CCDC112: variants seen among roughly 807,000 people sequenced by gnomAD.
The protein encoded by CCDC112 is coiled-coil domain-containing protein 112.
A neutral mutation model predicts 66.3 loss-of-function variants in CCDC112; 40 were observed. The observed-to-expected ratio is 0.60, with a 90% CI of 0.47 to 0.79. The LOEUF (loss-of-function observed/expected upper bound fraction) is 0.79. Ranked by LOEUF, CCDC112 falls within the 30% of genes least tolerant of loss-of-function variation. CCDC112 has a pLI of 0.00. For missense variants in CCDC112, 659 were observed against 603.8 expected (o/e 1.09, Z -0.96); for synonymous variants, 214 against 197.2 (o/e 1.09, Z -0.71).
intron 1 of CCDC112, among the ~76,000 whole-genome samples, chr5:115,292,471 C>T (rs1404732917): frequency 6.6e-6 from 1 of 152,078 alleles, no homozygotes; most frequent in Non-Finnish European, 1.5e-5. Context: ...GAAGTCTTTG[C>T]CTAGTATGTC....
intron 3 of CCDC112, among the ~76,000 whole-genome samples, chr5:115,279,110 T>C (rs1376776221): frequency 6.6e-6 from 1 of 152,206 alleles, no homozygotes; most frequent in East Asian, 1.9e-4. Flanking sequence ...TACATTTTTA[T>C]ATATTATCTC....
At chr5:115,287,471 C>G (rs562238838) in intron 1 of CCDC112, among the ~76,000 whole-genome samples, 1 of 151,996 alleles carries the variant, frequency 6.6e-6, no homozygotes, top group Admixed American at 6.5e-5. Flanking sequence ...AAAGACCAGA[C>G]AAAATAAAAA....
intron 6 of CCDC112, among the ~76,000 whole-genome samples, chr5:115,272,632 A>C (rs954641937): frequency 9.2e-5 from 14 of 152,220 alleles, no homozygotes; most frequent in Non-Finnish European, 1.5e-4. Flanking sequence ...GTATGTAAAA[A>C]TTATTTCAAA....
intron 1 of CCDC112, among the ~76,000 whole-genome samples, chr5:115,294,479 A>G (rs955238448): frequency 6.6e-6 from 1 of 152,160 alleles, no homozygotes; most frequent in Non-Finnish European, 1.5e-5. Flanking sequence ...CCAGAAACCA[A>G]CCCTAAGGGC....
At chr5:115,268,306 G>C (rs1748840538) in intron 9 of CCDC112, among the ~76,000 whole-genome samples, 1 of 152,086 alleles carries the variant, frequency 6.6e-6, no homozygotes, top group Non-Finnish European at 1.5e-5. Flanking sequence ...TTTTGAGACG[G>C]AGTCTCACTG....
intron 3 of CCDC112, 139 bp downstream of exon 3, chr5:115,279,506 CAG>C: frequency 1.2e-6 from 1 of 815,066 alleles, no homozygotes. Flanking sequence ...AACTAAAATA[CAG>C]AGAATATAAC....
intron 6 of CCDC112, 84 bp from the exon 7 acceptor site, chr5:115,271,710 T>C (rs2127051479): frequency 1.1e-6 from 1 of 883,792 alleles, no homozygotes; most frequent in African/African-American, 1.7e-5. Context: ...CAATTCCATC[T>C]TTCTAGAAAG....
chr5:115,291,165 G>C (rs1013362335), intron 1 of CCDC112, among the ~76,000 whole-genome samples: 2 of 152,012 alleles, frequency 1.3e-5, no homozygotes, highest in Non-Finnish European at 2.9e-5. Flanking sequence ...TTGTTGACTG[G>C]ATAATCTGAA....
chr5:115,291,066 C>T (rs565100532), intron 1 of CCDC112, among the ~76,000 whole-genome samples: 39 of 152,158 alleles, frequency 2.6e-4, no homozygotes, highest in African/African-American at 7.9e-4. Flanking sequence ...CCTGATCATA[C>T]GGAAACAGCT....
rs756403822 is a variant in CCDC112, at chr5:115,275,520, T to C, written c.614A>G (p.Asn205Ser). The C allele has an allele frequency of 2.2e-5, 35 of 1,614,050 alleles. No individual in the cohort carries two copies. The highest frequency in any genetic ancestry group is 2.9e-5 in the Non-Finnish European group (34 of 1,179,988). The change falls in exon 6 of 10, where the codon AAT (asparagine) becomes AGT (serine). Residue 205 changes from asparagine to serine, a missense_variant. By Grantham distance (46) the Asn-to-Ser change is conservative. Transcript: ENST00000379611. ...TCTGAAAGCTTTCTCTGTTTCTGAA[T>C]TACCCAAAGCCCATGTGTCAATTTT... Reference protein sequence around the residue: ...SRKIDTWALGNSETEKAFRAI... With the variant: ...SRKIDTWALGSSETEKAFRAI...
intron 1 of CCDC112, among the ~76,000 whole-genome samples, chr5:115,291,003 T>G (rs1749904880): frequency 1.3e-5 from 2 of 152,184 alleles, no homozygotes; most frequent in African/African-American, 4.8e-5. Flanking sequence ...CTAATTGCCC[T>G]AGTTAGAACT....
intron 6 of CCDC112, among the ~76,000 whole-genome samples, chr5:115,272,304 T>G (rs933053872): frequency 6.6e-6 from 1 of 152,162 alleles, no homozygotes; most frequent in Non-Finnish European, 1.5e-5. Context: ...TTTCTAGGCT[T>G]AGAATACTTT....
chr5:115,286,007 A>G (rs1469131883), intron 1 of CCDC112, among the ~76,000 whole-genome samples: 1 of 152,224 alleles, frequency 6.6e-6, no homozygotes, highest in Non-Finnish European at 1.5e-5. Context: ...AAAAGAACAA[A>G]GTATTAAATC....
At chr5:115,292,520 G>C (rs1361627614) in intron 1 of CCDC112, among the ~76,000 whole-genome samples, 1 of 151,998 alleles carries the variant, frequency 6.6e-6, no homozygotes, top group African/African-American at 2.4e-5. Context: ...CCTTTTTACT[G>C]TTTTCCCCAT....
intron 1 of CCDC112, among the ~76,000 whole-genome samples, chr5:115,289,974 C>T (rs1461955470): frequency 6.6e-6 from 1 of 152,216 alleles, no homozygotes; most frequent in Admixed American, 6.5e-5. Flanking sequence ...TGAGCCACTG[C>T]ACGTGGCCTA....
Position 115,296,529 on chromosome 5 carries a change from C to A in CCDC112, c.15G>T (p.Thr5=). 3.9e-6 allele frequency: 6 copies of A among 1,532,806 alleles called. No homozygotes were observed. The highest frequency in any genetic ancestry group is 5.2e-6 in the Non-Finnish European group (6 of 1,144,280). 95.0% of individuals were successfully genotyped at this position (1,532,806 alleles called of 1,614,324 possible). The change falls in exon 1 of 10, where the codon ACG becomes ACT. Residue 5 remains threonine, a synonymous_variant. Coordinates refer to ENST00000379611, the MANE Select transcript of CCDC112 (RefSeq NM_001040440.3). MAAL[T]TVVVAAAATA... ...TGGCCGCAGCCGCTACCACAACCGT[C>A]GTCAGTGCGGCCATGTTTACCCGCC... is the stretch of plus-strand genomic sequence containing the variant.
chr5:115,286,826 G>A (rs1749695061), intron 1 of CCDC112, among the ~76,000 whole-genome samples: 3 of 152,014 alleles, frequency 2.0e-5, no homozygotes, highest in Admixed American at 6.6e-5. Context: ...GAGGTGGGAG[G>A]ATCACTTGAG....
Position 115,269,017 on chromosome 5 carries a change from A to C in CCDC112, c.1429-17T>G. On this transcript the variant is annotated splice_polypyrimidine_tract_variant and intron_variant, in intron 8 of 9. Transcript: ENST00000379611. ...GTTTTCAACCTGTAATCAGAAGTAAAATAGTACCAGTTAATTATACAAACT... is the reference window on the plus strand; with the variant it reads ...GTTTTCAACCTGTAATCAGAAGTAACATAGTACCAGTTAATTATACAAACT... 1 of 1,422,640 alleles carries C rather than the reference A, an allele frequency of 7.0e-7. No individual in the cohort carries two copies. The highest frequency in any genetic ancestry group is 1.2e-5 in the South Asian group (1 of 81,916). The allele number at this position is 1,422,640 out of a possible 1,614,324, so 88.1% of individuals were successfully genotyped here.
intron 4 of CCDC112, 25 bp downstream of exon 4, chr5:115,276,940 G>T: frequency 7.0e-7 from 1 of 1,430,858 alleles, no homozygotes; most frequent in South Asian, 1.2e-5. Context: ...ACATAAGAAA[G>T]ATTATAATAT....
Sources: allele counts gnomAD v4.1 joint callset (sites outside exome capture counted in the v4.1 genomes callset), GRCh38; gene constraint gnomAD v4.1.1; transcripts MANE v1.5; gene names NCBI Gene and HGNC (gene_info 2026-07-23, HGNC 2026-07-21).